RALGAPA2: variants seen among roughly 807,000 people sequenced by gnomAD.
RALGAPA2 encodes the protein ral GTPase-activating protein subunit alpha-2.
A neutral mutation model predicts 230.4 loss-of-function variants in RALGAPA2; 139 were observed. That is an observed-to-expected ratio of 0.60 (90% CI 0.53 to 0.69). The LOEUF is 0.69. Ranked by LOEUF, RALGAPA2 falls within the 30% of genes least tolerant of loss-of-function variation. The pLI is 0.00. For missense variants in RALGAPA2, 2,163 were observed against 2,276.0 expected (o/e 0.95, Z 1.01); for synonymous variants, 847 against 837.8 (o/e 1.01, Z -0.19).
chr20:20,664,325 TCTCTTTG>T (rs2067886073), intron 3 of RALGAPA2, among the ~76,000 whole-genome samples: 1 of 152,138 alleles, frequency 6.6e-6, no homozygotes, highest in South Asian at 2.1e-4. Context: ...GGTTATTTTT[TCTCTTTG>T]CTTAGGATCA....
chr20:20,405,715 C>A (rs774150194), intron 38 of RALGAPA2, among the ~76,000 whole-genome samples: 1 of 152,186 alleles, frequency 6.6e-6, no homozygotes, highest in Non-Finnish European at 1.5e-5. Flanking sequence ...TCTGTGGATT[C>A]GCTGGCTCCT....
chr20:20,397,419 T>G (rs896416910), intron 38 of RALGAPA2, among the ~76,000 whole-genome samples: 1 of 152,242 alleles, frequency 6.6e-6, no homozygotes, highest in Non-Finnish European at 1.5e-5. Context: ...AGCTTTTCTA[T>G]GCCTTGTGAC....
intron 14 of RALGAPA2, among the ~76,000 whole-genome samples, chr20:20,606,686 TC>T (rs555468928): frequency 1.3e-5 from 2 of 152,056 alleles, no homozygotes; most frequent in African/African-American, 2.4e-5. Context: ...CCCTGCATTT[TC>T]CCCCCATCAA....
chr20:20,635,351 T>C (rs1224436320), intron 9 of RALGAPA2, 67 bp downstream of exon 9: 1 of 1,453,558 alleles, frequency 6.9e-7, no homozygotes, highest in Non-Finnish European at 9.5e-7. Flanking sequence ...AATCAATAAC[T>C]TTGGCTATGT....
intron 23 of RALGAPA2, among the ~76,000 whole-genome samples, chr20:20,567,037 T>C (rs748310435): frequency 3.3e-5 from 5 of 152,230 alleles, no homozygotes; most frequent in Non-Finnish European, 4.4e-5. Context: ...TAATGTAGGC[T>C]TTGCATTTAA....
rs751912839 is a variant in RALGAPA2, at chr20:20,495,112, C to T, written c.5367+5G>A. 53 of 1,594,898 alleles carry T rather than the reference C, an allele frequency of 3.3e-5. No homozygotes were observed. Among genetic ancestry groups the T allele is most frequent in the East Asian group, 1.3e-4 (6 of 44,504 alleles). ...AGTCAGTACAACAATGCAATGAAAA[C>T]GTACCTCAGGTTTCTTCGTTATCGC... On this transcript the variant is annotated splice_donor_5th_base_variant and intron_variant, in intron 36 of 39. Coordinates refer to ENST00000202677, the MANE Select transcript of RALGAPA2 (RefSeq NM_020343.4).
chr20:20,408,078 C>T (rs1028653787), intron 38 of RALGAPA2, among the ~76,000 whole-genome samples: 9 of 152,152 alleles, frequency 5.9e-5, no homozygotes, highest in African/African-American at 2.2e-4. Context: ...TAAACAAAGA[C>T]CTGTGCTCCC....
At chr20:20,700,141 A>G (rs917466344) in intron 1 of RALGAPA2, among the ~76,000 whole-genome samples, 1 of 152,188 alleles carries the variant, frequency 6.6e-6, no homozygotes, top group African/African-American at 2.4e-5. Flanking sequence ...AAAGAATGAA[A>G]TCATGTCTTC....
intron 3 of RALGAPA2, among the ~76,000 whole-genome samples, chr20:20,662,620 T>G (rs2067820719): frequency 6.6e-6 from 1 of 152,206 alleles, no homozygotes; most frequent in African/African-American, 2.4e-5. Flanking sequence ...GTACTGCAGG[T>G]AATTAAATAT....
chr20:20,436,528 G>C (rs2060616920), intron 37 of RALGAPA2, among the ~76,000 whole-genome samples: 1 of 152,182 alleles, frequency 6.6e-6, no homozygotes, highest in Non-Finnish European at 1.5e-5. Flanking sequence ...ACATGAGTAA[G>C]ACGGCAAAGT....
intron 37 of RALGAPA2, among the ~76,000 whole-genome samples, chr20:20,415,644 C>T (rs2060150260): frequency 6.6e-6 from 1 of 152,088 alleles, no homozygotes; most frequent in Non-Finnish European, 1.5e-5. Flanking sequence ...CCCAGTGACT[C>T]AGGAGGCTGA....
chr20:20,680,563 G>T, intron 2 of RALGAPA2, 128 bp downstream of exon 2: 1 of 1,296,984 alleles, frequency 7.7e-7, no homozygotes, highest in Non-Finnish European at 1.0e-6. Context: ...TGTCCACCAT[G>T]CTCTCACAGC....
chr20:20,557,683 C>T (rs758716911), intron 23 of RALGAPA2, among the ~76,000 whole-genome samples: 1 of 152,018 alleles, frequency 6.6e-6, no homozygotes, highest in Non-Finnish European at 1.5e-5. Flanking sequence ...CTATGTTACC[C>T]CAGAATGAAG....
At chr20:20,568,985 A>T (rs548053299) in intron 23 of RALGAPA2, among the ~76,000 whole-genome samples, 1 of 152,358 alleles carries the variant, frequency 6.6e-6, no homozygotes, top group East Asian at 1.9e-4. Flanking sequence ...ATTCTCACAA[A>T]ATAGAAAGAA....
chr20:20,630,932 A>T (rs1206959100), intron 9 of RALGAPA2, among the ~76,000 whole-genome samples: 2 of 152,166 alleles, frequency 1.3e-5, no homozygotes, highest in Non-Finnish European at 2.9e-5. Flanking sequence ...AGAAAAAAAA[A>T]ATATGCACAT....
At chr20:20,678,251 T>C (rs1046104016) in intron 2 of RALGAPA2, among the ~76,000 whole-genome samples, 8 of 152,224 alleles carry the variant, frequency 5.3e-5, no homozygotes, top group African/African-American at 1.9e-4. Context: ...TAAGGTACAG[T>C]GTCTTCCCTG....
In RALGAPA2 at chr20:20,412,137, C is replaced by T. The variant is rs748471003; in HGVS notation, c.5507G>A (p.Arg1836Gln). Residue 1836 changes from arginine (R) to glutamine (Q), a missense_variant, in exon 38 of 40, where the codon CGA (arginine) becomes CAA (glutamine). By Grantham distance (43) the Arg-to-Gln change is conservative. Coordinates refer to ENST00000202677, the MANE Select transcript of RALGAPA2 (RefSeq NM_020343.4). ...IPLYQSFYEE[R>Q]ALYLEAIIQN... is the part of the protein sequence containing the mutation. Reference sequence around the variant, plus strand: ...AATTATTGCTTCGAGATACAGAGCTCGCTCTTCATAGCTGCGGTAATCGGT... The same window carrying T: ...AATTATTGCTTCGAGATACAGAGCTTGCTCTTCATAGCTGCGGTAATCGGT... 2.4e-5 allele frequency: 39 copies of T among 1,613,754 alleles called. No homozygotes were observed. Among genetic ancestry groups the T allele is most frequent in the Admixed American group, 6.7e-5 (4 of 59,990 alleles).
chr20:20,608,537 ATAAAAACT>A (rs1332586841), intron 14 of RALGAPA2, among the ~76,000 whole-genome samples: 1 of 152,348 alleles, frequency 6.6e-6, no homozygotes, highest in African/African-American at 2.4e-5. Flanking sequence ...AAAAAGGGTA[ATAAAAACT>A]TAAAAATGTC....
chr20:20,552,564 A>G lies in RALGAPA2; in HGVS notation c.3157-5732T>C, dbSNP rs1447962025. The stretch of plus-strand genomic sequence containing the variant: ...TTTATCCCAGTAATCTGGCTAACAA[A>G]AAGATATGATTCATTCTATACTTGG... On this transcript the variant is annotated intron_variant, in intron 23 of 39. Transcript: ENST00000202677. 2.6e-5 allele frequency among the ~76,000 whole-genome samples: 4 copies of G among 152,216 alleles called. No homozygotes were observed. The South Asian group carries it at 8.3e-4, about 31-fold the overall frequency.
Sources: allele counts gnomAD v4.1 joint callset (sites outside exome capture counted in the v4.1 genomes callset), GRCh38; gene constraint gnomAD v4.1.1; transcripts MANE v1.5; gene names NCBI Gene and HGNC (gene_info 2026-07-23, HGNC 2026-07-21).